The following RSPH14 variants were observed in gnomAD, a reference collection of about 807,000 sequenced individuals.
RSPH14 encodes rhabdoid tumor deletion region gene 1.
A neutral mutation model predicts 26.7 loss-of-function variants in RSPH14; 20 were observed. That is an observed-to-expected ratio of 0.75 (90% CI 0.53 to 1.09). The LOEUF is 1.09. Ranked by LOEUF, RSPH14 falls within the 50% of genes least tolerant of loss-of-function variation. The pLI is 0.00. For missense variants in RSPH14, 449 were observed against 457.2 expected, an observed-to-expected ratio of 0.98 and a Z score of 0.16; for synonymous variants, 177 against 189.3, an observed-to-expected ratio of 0.93 and a Z score of 0.53.
chr22:23,059,789 C>A, intron 6 of RSPH14, 71 bp from the exon 7 acceptor site: 1 of 1,446,360 alleles, frequency 6.9e-7, no homozygotes. Flanking sequence ...TCACCCTAGC[C>A]CTCTCCTGAC....
chr22:23,141,910 C>A (rs1004128060), intron 1 of RSPH14, 39 bp downstream of exon 1: 22 of 916,904 alleles, frequency 2.4e-5, no homozygotes, highest in Non-Finnish European at 9.1e-6. Flanking sequence ...CACTGGGCCC[C>A]CCTGTCCCCG....
chr22:23,102,302 A>AG (rs887514536), intron 4 of RSPH14, among the ~76,000 whole-genome samples: 13 of 152,074 alleles, frequency 8.5e-5, no homozygotes, highest in African/African-American at 3.1e-4. Flanking sequence ...CCAAGATGGG[A>AG]GGGGGATGAG....
At chr22:23,127,562 G>C (rs568917088) in intron 4 of RSPH14, among the ~76,000 whole-genome samples, 1 of 152,174 alleles carries the variant, frequency 6.6e-6, no homozygotes, top group Non-Finnish European at 1.5e-5. Context: ...GGGTGTCCAC[G>C]GGTGGCTGCT....
intron 4 of RSPH14, among the ~76,000 whole-genome samples, chr22:23,126,602 A>G (rs1380991194): frequency 6.6e-6 from 1 of 152,086 alleles, no homozygotes; most frequent in South Asian, 2.1e-4. Context: ...CCTCCAAACA[A>G]TGCCCCATGG....
At chr22:23,151,665 C>G in the RSPH14 span, among the ~76,000 whole-genome samples, 1 of 152,152 alleles carries the variant, frequency 6.6e-6, no homozygotes, top group Non-Finnish European at 1.5e-5. Context: ...GAGGATCACT[C>G]GAGCCAAGGA....
the RSPH14 span, among the ~76,000 whole-genome samples, chr22:23,167,782 A>C: frequency 6.6e-6 from 1 of 151,854 alleles, no homozygotes; most frequent in South Asian, 2.1e-4. Context: ...TCCCGGTCTC[A>C]AGCAATCCTC....
intron 1 of RSPH14, among the ~76,000 whole-genome samples, 151 bp from the exon 2 acceptor site, chr22:23,140,623 G>A (rs1424676083): frequency 6.6e-6 from 1 of 152,196 alleles, no homozygotes; most frequent in African/African-American, 2.4e-5. Context: ...GAAGAGATTT[G>A]CTCAAAGTCC....
rs146296247 is a variant in RSPH14 at position 23,066,568 on chromosome 22, G to A, written c.422-2435C>T. On this transcript the variant is annotated intron_variant, in intron 4 of 6. Transcript: ENST00000216036. The stretch of plus-strand genomic sequence containing the variant: ...AGGGAGAAGATTAAAAATAAAACGC[G>A]TGCCGGGTGTGCCTTTCTGCTCGTT... Among the ~76,000 whole-genome samples, 82 of 152,278 alleles carry A rather than the reference G, an allele frequency of 5.4e-4. 1 individual carries two copies. In the South Asian group the frequency reaches 0.015, roughly 27 times the overall value.
intron 4 of RSPH14, among the ~76,000 whole-genome samples, chr22:23,079,570 C>T (rs1601757622): frequency 6.6e-6 from 1 of 152,142 alleles, no homozygotes; most frequent in East Asian, 1.9e-4. Context: ...GCGTCGGGAG[C>T]AAACATGAGA....
At chr22:23,119,339 T>C (rs1426221835) in intron 4 of RSPH14, among the ~76,000 whole-genome samples, 2 of 152,220 alleles carry the variant, frequency 1.3e-5, no homozygotes, top group African/African-American at 4.8e-5. Flanking sequence ...CAGACCCAAA[T>C]ATGAGGCTCT....
the RSPH14 span, among the ~76,000 whole-genome samples, chr22:23,178,400 T>G: frequency 6.2e-5 from 9 of 144,774 alleles, no homozygotes; most frequent in South Asian, 1.5e-3. Context: ...TGGGCAACAG[T>G]GTGAGACTCC....
intron 4 of RSPH14, among the ~76,000 whole-genome samples, chr22:23,120,036 G>A (rs1232541226): frequency 1.3e-5 from 2 of 152,194 alleles, no homozygotes; most frequent in Non-Finnish European, 2.9e-5. Context: ...GCCCACACTC[G>A]GGAGATGTTT....
intron 4 of RSPH14, among the ~76,000 whole-genome samples, chr22:23,102,475 C>T (rs376928808): frequency 7.2e-5 from 11 of 152,380 alleles, no homozygotes; most frequent in East Asian, 5.8e-4. Flanking sequence ...CTGGGAGCTT[C>T]CAAGGGTGGG....
chr22:23,069,763 A>T (rs2068292813), intron 4 of RSPH14, among the ~76,000 whole-genome samples: 1 of 151,900 alleles, frequency 6.6e-6, no homozygotes, highest in South Asian at 2.1e-4. Flanking sequence ...CGCTGCACAA[A>T]CCTCACCGGT....
chr22:23,108,468 C>T (rs796991713), intron 4 of RSPH14, among the ~76,000 whole-genome samples: 17 of 152,362 alleles, frequency 1.1e-4, no homozygotes, highest in African/African-American at 3.8e-4. Flanking sequence ...GTGACAGAGA[C>T]GGAAGCAGGA....
chr22:23,180,570 AGGCGGCGGCGGCGGCGGCGGCAC>A, the RSPH14 span: 27 of 109,018 alleles, frequency 2.5e-4, no homozygotes, highest in Admixed American at 3.3e-4. Context: ...GCGTCCGAGG[AGGCGGCGGCGGCGGCGGCGGCAC>A]GGCGGCGGCG....
rs758539276 is a variant in RSPH14, at chr22:23,064,092, C to T, written c.463G>A (p.Val155Ile). The change falls in exon 5 of 7, where the codon GTA becomes ATA. Residue 155 changes from valine to isoleucine, a missense_variant. By Grantham distance (29) the Val-to-Ile change is conservative. Transcript: ENST00000216036. ...TCCACCTCCACCTGCAGCTTCCATA[C>T]CAGTGAGGAAATCAGACCTTTGCTG... is the stretch of plus-strand genomic sequence containing the variant. ...IISKGLISSL[V>I]WKLQVEVEEE... The T allele has an allele frequency of 6.8e-6, 11 of 1,614,062 alleles. No homozygotes were observed. In the Middle Eastern group the frequency reaches 8.2e-4, roughly 121 times the overall value.
chr22:23,142,866 C>G (rs1486231348), upstream of RSPH14, among the ~76,000 whole-genome samples: 2 of 152,224 alleles, frequency 1.3e-5, no homozygotes, highest in African/African-American at 4.8e-5. Flanking sequence ...AACTCCTAGC[C>G]TAGTGCTCCA....
chr22:23,120,201 C>T (rs1032309708), intron 4 of RSPH14, among the ~76,000 whole-genome samples: 30 of 152,288 alleles, frequency 2.0e-4, no homozygotes, highest in Admixed American at 6.5e-4. Context: ...CCAGGGTCCC[C>T]AAGGTCCACT....
Sources: allele counts gnomAD v4.1 joint callset (sites outside exome capture counted in the v4.1 genomes callset), GRCh38; gene constraint gnomAD v4.1.1; transcripts MANE v1.5; gene names NCBI Gene and HGNC (gene_info 2026-07-23, HGNC 2026-07-21).